PRKN: variants seen among roughly 807,000 people sequenced by gnomAD.
The protein encoded by PRKN is E3 ubiquitin-protein ligase parkin.
In PRKN, 56 loss-of-function variants were observed where a neutral mutation model predicts 59.5. The ratio of observed to expected loss-of-function variants is 0.94; its 90% CI spans 0.76 to 1.18. The LOEUF is 1.18. Ranked by LOEUF, PRKN falls within the 50% of genes most tolerant of loss-of-function variation. PRKN has a pLI of 0.00. For synonymous variants in PRKN, 250 were observed against 222.1 expected, an observed-to-expected ratio of 1.13 and a Z score of -1.12; for missense variants, 657 against 596.4, an observed-to-expected ratio of 1.10 and a Z score of -1.06.
At chr6:161,804,329 T>TAGGC (rs1791217739) in intron 6 of PRKN, among the ~76,000 whole-genome samples, 1 of 152,144 alleles carries the variant, frequency 6.6e-6, no homozygotes, top group Non-Finnish European at 1.5e-5. Context: ...TGGACACTGA[T>TAGGC]AGGCAGGTGC....
intron 4 of PRKN, among the ~76,000 whole-genome samples, chr6:162,151,609 A>C (rs1345247233): frequency 6.6e-6 from 1 of 152,206 alleles, no homozygotes; most frequent in African/African-American, 2.4e-5. Flanking sequence ...GCCTGAGACT[A>C]TTTTCAGAAT....
chr6:162,283,538 C>A (rs1781022049), intron 2 of PRKN, among the ~76,000 whole-genome samples: 1 of 152,134 alleles, frequency 6.6e-6, no homozygotes, highest in Admixed American at 6.6e-5. Context: ...GTGAAAAAAT[C>A]CTTAGAACAG....
intron 5 of PRKN, among the ~76,000 whole-genome samples, chr6:161,993,449 T>C (rs549216113): frequency 6.6e-6 from 1 of 152,236 alleles, no homozygotes; most frequent in African/African-American, 2.4e-5. Context: ...ATTAAAGCAG[T>C]AATTAAAAGT....
chr6:162,557,947 G>GAA (rs1294568217), intron 1 of PRKN, among the ~76,000 whole-genome samples: 2 of 152,160 alleles, frequency 1.3e-5, no homozygotes, highest in Non-Finnish European at 2.9e-5. Flanking sequence ...GATCATGGGG[G>GAA]AAGCTTCAAG....
rs1785797877 is a variant in PRKN at position 161,378,011 on chromosome 6, G to C, written c.1167+8783C>G. ...GCTGACAGTGGACTGTGTGTGGAAAGGAAAGAGTCCTGAGTTAGGAAGAGA... is the reference window on the plus strand; with the variant it reads ...GCTGACAGTGGACTGTGTGTGGAAACGAAAGAGTCCTGAGTTAGGAAGAGA... On this transcript the variant is annotated intron_variant, in intron 10 of 11. Transcript: ENST00000366898. The surrounding 1 kb of genome is among the most constrained non-coding windows in gnomAD (Gnocchi z 7.3). Among the ~76,000 whole-genome samples, 1 of 152,160 alleles carries C rather than the reference G, an allele frequency of 6.6e-6. No homozygotes were observed. The highest frequency in any genetic ancestry group is 1.5e-5 in the Non-Finnish European group (1 of 68,038).
chr6:161,993,157 A>G lies in PRKN; in HGVS notation c.619-19740T>C, dbSNP rs547854184. 3.9e-5 allele frequency among the ~76,000 whole-genome samples: 6 copies of G among 152,226 alleles called. No individual in the cohort carries two copies. The East Asian group carries it at 1.2e-3, about 29-fold the overall frequency. On this transcript the variant is annotated intron_variant, in intron 5 of 11. Transcript: ENST00000366898. ...ACAAGAAAAATGTAAAAAGGATTAC[A>G]ACAATAACAACTTGGTTTTTGAAAA...
chr6:161,624,705 A>C (rs546999502), intron 7 of PRKN, among the ~76,000 whole-genome samples: 1 of 152,230 alleles, frequency 6.6e-6, no homozygotes, highest in African/African-American at 2.4e-5. Flanking sequence ...TTTTCATCCC[A>C]CAGGAAACTC....
Position 162,352,922 on chromosome 6 carries a change from T to A in PRKN, c.172-90157A>T, listed in dbSNP as rs572547391. ...GTAGATAAGATGAATAGATGGGGAC[T>A]GAATGCAGCGTGCTTACTTTAAAAC... On this transcript the variant is annotated intron_variant, in intron 2 of 11. Transcript: ENST00000366898. 6.0e-4 allele frequency among the ~76,000 whole-genome samples: 92 copies of A among 152,318 alleles called. No individual in the cohort carries two copies. In the Middle Eastern group the frequency reaches 0.024, roughly 39 times the overall value.
At chr6:162,442,424 T>C (rs1259151528) in intron 2 of PRKN, among the ~76,000 whole-genome samples, 2 of 152,214 alleles carry the variant, frequency 1.3e-5, no homozygotes, top group African/African-American at 4.8e-5. Flanking sequence ...GCGTTTCGTC[T>C]TTCTTGCATT....
chr6:162,705,463 T>C (rs761347440), intron 1 of PRKN, among the ~76,000 whole-genome samples: 4 of 152,108 alleles, frequency 2.6e-5, no homozygotes, highest in Non-Finnish European at 4.4e-5. Flanking sequence ...AGTTCTTAAG[T>C]GTAAAATCTA....
At chr6:162,482,046 G>A (rs1792332028) in intron 1 of PRKN, among the ~76,000 whole-genome samples, 2 of 152,026 alleles carry the variant, frequency 1.3e-5, no homozygotes, top group African/African-American at 4.8e-5. Context: ...CTTCCAGCAT[G>A]CTTAAACTTC....
chr6:162,551,277 C>T (rs527345047), intron 1 of PRKN, among the ~76,000 whole-genome samples: 51 of 152,192 alleles, frequency 3.4e-4, no homozygotes, highest in African/African-American at 1.1e-3. Context: ...ACCAGACCAA[C>T]GTCTGAAAAC....
rs542826426 is a variant in PRKN, at chr6:161,362,975, C to T, written c.1168-2770G>A. Among the ~76,000 whole-genome samples, 5 of 152,344 alleles carry T rather than the reference C, an allele frequency of 3.3e-5. No individual in the cohort carries two copies. In the East Asian group the frequency reaches 9.6e-4, roughly 29 times the overall value. On this transcript the variant is annotated intron_variant, in intron 10 of 11. Transcript: ENST00000366898. The surrounding 1 kb of genome is among the most constrained non-coding windows in gnomAD (Gnocchi z 5.2). The stretch of plus-strand genomic sequence containing the variant: ...ACAGAGTACTGGCCAGGCATGGTGG[C>T]TCACACCTGTAATCCCAGCACTTTG...
intron 7 of PRKN, among the ~76,000 whole-genome samples, chr6:161,759,836 G>T (rs1402421260): frequency 6.6e-6 from 1 of 151,914 alleles, no homozygotes; most frequent in Non-Finnish European, 1.5e-5. Flanking sequence ...TTAGAAATAT[G>T]TACACCTGAA....
At chr6:161,730,160 C>G (rs910672198) in intron 7 of PRKN, among the ~76,000 whole-genome samples, 6 of 149,876 alleles carry the variant, frequency 4.0e-5, no homozygotes, top group Admixed American at 1.3e-4. Context: ...TGATGTGTTG[C>G]ATTCTTTCTG....
At chr6:162,127,191 C>T (rs764359795) in intron 4 of PRKN, among the ~76,000 whole-genome samples, 4 of 152,326 alleles carry the variant, frequency 2.6e-5, no homozygotes, top group South Asian at 2.1e-4. Context: ...ATACAATGTT[C>T]GTACCAAGTT....
chr6:161,785,883 T>C lies in PRKN; in HGVS notation c.760A>G (p.Asn254Asp). ...VRSPVLVFQC[N>D]SRHVICLDCF... ...TCTAAGCAAATCACGTGGCGGGAGT[T>C]GCACTGGAAAACCAGGACGGGGCTC... The change falls in exon 7 of 12, where the codon AAC becomes GAC. Residue 254 changes from asparagine to aspartate, a missense_variant. By Grantham distance (23) the Asn-to-Asp change is conservative. Coordinates refer to ENST00000366898, the MANE Select transcript of PRKN (RefSeq NM_004562.3). 1 of 1,614,150 alleles carries C rather than the reference T, an allele frequency of 6.2e-7. No individual in the cohort carries two copies. Among genetic ancestry groups the C allele is most frequent in the Non-Finnish European group, 8.5e-7 (1 of 1,180,000 alleles).
At position 161,518,395 on chromosome 6, in the gene PRKN, G is replaced by A. The variant is rs1778694384; in HGVS notation, c.1083+30459C>T. Reference sequence around the variant, plus strand: ...AGGGCCCAGAAACAGCCAGTAGCCAGGCGTGGTGGTGGGCGCCTGTAGTCC... The same window carrying A: ...AGGGCCCAGAAACAGCCAGTAGCCAAGCGTGGTGGTGGGCGCCTGTAGTCC... On this transcript the variant is annotated intron_variant, in intron 9 of 11. Coordinates refer to ENST00000366898, the MANE Select transcript of PRKN (RefSeq NM_004562.3). This position sits in a 1 kb window ranked among gnomAD's most constrained non-coding sequence, Gnocchi z 5.0. Among the ~76,000 whole-genome samples the A allele has an allele frequency of 6.6e-6, 1 of 152,234 alleles. No individual in the cohort carries two copies. The highest frequency in any genetic ancestry group is 1.5e-5 in the Non-Finnish European group (1 of 68,050).
rs565727255 is a variant in PRKN, at chr6:161,354,731, G to A, written c.1286-4520C>T. On this transcript the variant is annotated intron_variant, in intron 11 of 11. Transcript: ENST00000366898. The surrounding 1 kb of genome is among the most constrained non-coding windows in gnomAD (Gnocchi z 6.7). Reference sequence around the variant, plus strand: ...CCAGGTAACATCCTTGGTCATAGAGGCTATGTCGGTTTCGGTTACAGTGAT... The same window carrying A: ...CCAGGTAACATCCTTGGTCATAGAGACTATGTCGGTTTCGGTTACAGTGAT... Among the ~76,000 whole-genome samples, 1 of 152,282 alleles carries A rather than the reference G, an allele frequency of 6.6e-6. No individual in the cohort carries two copies. Among genetic ancestry groups the A allele is most frequent in the East Asian group, 1.9e-4 (1 of 5,176 alleles).
Sources: allele counts gnomAD v4.1 joint callset (sites outside exome capture counted in the v4.1 genomes callset), GRCh38; gene constraint gnomAD v4.1.1; non-coding constraint Gnocchi (gnomAD v3.1); transcripts MANE v1.5; gene names NCBI Gene and HGNC (gene_info 2026-07-23, HGNC 2026-07-21).